PIAS3: variants seen among roughly 807,000 people sequenced by gnomAD.
PIAS3 encodes protein inhibitor of activated STAT 3, also known as E3 SUMO-protein ligase PIAS3.
A neutral mutation model predicts 67.6 loss-of-function variants in PIAS3; 34 were observed. The ratio of observed to expected loss-of-function variants is 0.50; its 90% confidence interval spans 0.38 to 0.67. PIAS3 has a LOEUF of 0.67. PIAS3 is among the 30% of genes least tolerant of loss of function. The pLI is 0.00. For synonymous variants in PIAS3, 341 were observed against 313.8 expected (o/e 1.09, Z -0.92); for missense variants, 693 against 791.6 (o/e 0.88, Z 1.49).
chr1:145,850,804 G>A lies in PIAS3; in HGVS notation c.1415C>T (p.Ser472Leu), dbSNP rs587708323. The A allele has an allele frequency of 5.0e-6, 8 of 1,614,228 alleles. No individual in the cohort carries two copies. The African/African-American group carries it at 8.0e-5, about 16-fold the overall frequency. The change falls in exon 11 of 14, where the codon TCA becomes TTA. Residue 472 changes from serine (S) to leucine (L), a missense_variant. By Grantham distance (145) the Ser-to-Leu change is moderately radical (BLOSUM62 -2). This residue lies in a region of PIAS3 where 270 missense variants were observed against 261.0 expected (regional missense o/e 1.03). Transcript: ENST00000393045. ...PPTKKHCSVTSAAIPALPGSK... is the reference protein window; with the variant it reads ...PPTKKHCSVTLAAIPALPGSK... ...TCCAGGTAGGGCCGGGATGGCAGCT[G>A]AGGTGACAGAACAGTGCTTCTTGGT...
chr1:145,855,763 C>A lies in PIAS3; in HGVS notation c.642G>T (p.Lys214Asn), dbSNP rs782752190. 3 of 1,608,468 alleles carry A rather than the reference C, an allele frequency of 1.9e-6. No homozygotes were observed. ...GCAGGGGGCACAGTTTCCCATTGACCTTGACAAAGAGGTTGGGGGGAAAAT... is the reference window on the plus strand; with the variant it reads ...GCAGGGGGCACAGTTTCCCATTGACATTGACAAAGAGGTTGGGGGGAAAAT... The part of the protein sequence containing the change: ...EDYFPPNLFV[K>N]VNGKLCPLPG... Residue 214 changes from lysine (K) to asparagine (N), a missense_variant, in exon 5 of 14, where the codon AAG becomes AAT. By Grantham distance (94) the Lys-to-Asn change is moderately conservative. Around this residue, in one of 3 missense-constraint regions of PIAS3, gnomAD observed 308 missense variants for 348.8 expected, o/e 0.88. Transcript: ENST00000393045.
chr1:145,857,386 T>C (rs1441551510), intron 1 of PIAS3: 5 of 229,834 alleles, frequency 2.2e-5, no homozygotes, highest in Non-Finnish European at 4.4e-5. Context: ...TCTCTTGCCC[T>C]TTCTCAGACT....
rs1653179735 is a variant in PIAS3, at chr1:145,856,283, C to T, written c.527+64G>A. The T allele has an allele frequency of 1.6e-5, 22 of 1,391,376 alleles. No homozygotes were observed. The South Asian group carries it at 2.1e-4, about 13-fold the overall frequency. 86.2% of individuals were successfully genotyped at this position (1,391,376 alleles called of 1,614,324 possible). On this transcript the variant is annotated intron_variant, in intron 3 of 13. Coordinates refer to ENST00000393045, the MANE Select transcript of PIAS3 (RefSeq NM_006099.3). ...AGGAGGGATAGGGAAGAGCACAGGG[C>T]AGAAGAGAAGAAAGTCAGAAAGCAG...
chr1:145,850,977 C>T (rs781792564), intron 10 of PIAS3, 38 bp from the exon 11 acceptor site: 9 of 1,613,986 alleles, frequency 5.6e-6, no homozygotes, highest in Non-Finnish European at 7.6e-6. Context: ...AGAGAAGAGG[C>T]CATCCAAGAT....
In PIAS3 at chr1:145,849,278, T is replaced by C. The variant is rs1652856940; in HGVS notation, c.*168A>G. ...TAAAAAGAGGTTAAATATTAACCCTTTGGGTGCTGGCCTTGTCAGGCAGAG... is the reference window on the plus strand; with the variant it reads ...TAAAAAGAGGTTAAATATTAACCCTCTGGGTGCTGGCCTTGTCAGGCAGAG... On this transcript the variant is annotated 3_prime_UTR_variant, in exon 14 of 14. Transcript: ENST00000393045. 2 of 535,444 alleles carry C rather than the reference T, an allele frequency of 3.7e-6. No individual in the cohort carries two copies. Among genetic ancestry groups the C allele is most frequent in the South Asian group, 1.1e-4 (2 of 19,004 alleles). 33.2% of individuals were successfully genotyped at this position (535,444 alleles called of 1,614,324 possible).
intron 6 of PIAS3, 85 bp from the exon 7 acceptor site, chr1:145,854,648 AC>A: frequency 6.3e-7 from 1 of 1,586,294 alleles, no homozygotes; most frequent in Non-Finnish European, 8.7e-7. Flanking sequence ...CCAGAGACAG[AC>A]TCATAAAGAG....
chr1:145,854,956 G>T, intron 5 of PIAS3, 76 bp from the exon 6 acceptor site: 1 of 1,550,770 alleles, frequency 6.4e-7, no homozygotes, highest in Non-Finnish European at 8.8e-7. Context: ...AAGATATCTT[G>T]TCTCGGGTTA....
chr1:145,854,422 A>C, intron 7 of PIAS3, 36 bp downstream of exon 7: 1 of 1,406,352 alleles, frequency 7.1e-7, no homozygotes, highest in East Asian at 2.3e-5. Context: ...ACTTGAATCC[A>C]GATCAGGTGG....
At position 145,856,675 on chromosome 1, in the gene PIAS3, A is replaced by C; in HGVS notation, c.356T>G (p.Leu119Arg). ...GACATCAGGGTGCACAGGCTGGGGC[A>C]GAGGGGGGTGCATGTCCACCTCACG... ...PKREVDMHPPLPQPVHPDVTM... is the reference protein window; with the variant it reads ...PKREVDMHPPRPQPVHPDVTM... Residue 119 changes from leucine (L) to arginine (R), a missense_variant, in exon 2 of 14, where the codon CTG becomes CGG. Physicochemically the swap from Leu to Arg is moderately radical, Grantham distance 102. This residue lies in a region of PIAS3 where 308 missense variants were observed against 348.8 expected (regional missense o/e 0.88). Coordinates refer to ENST00000393045, the MANE Select transcript of PIAS3 (RefSeq NM_006099.3). 6.2e-7 allele frequency: 1 copy of C among 1,607,600 alleles called. No individual in the cohort carries two copies. Among genetic ancestry groups the C allele is most frequent in the Non-Finnish European group, 8.5e-7 (1 of 1,175,816 alleles).
At chr1:145,851,473 T>C (rs1652961541) in intron 9 of PIAS3, 1 of 272,386 alleles carries the variant, frequency 3.7e-6, no homozygotes, top group Non-Finnish European at 7.1e-6. Flanking sequence ...CTGGCCAACA[T>C]GGTGAAACCT....
At chr1:145,858,862 G>C (rs1232261047) in intron 1 of PIAS3, 105 bp downstream of exon 1, 1 of 996,154 alleles carries the variant, frequency 1.0e-6, no homozygotes, top group Non-Finnish European at 1.4e-6. Context: ...TGCCTGCCAC[G>C]TCGTCGGCGC....
intron 9 of PIAS3, among the ~76,000 whole-genome samples, chr1:145,851,896 G>A (rs1358276064): frequency 1.3e-5 from 2 of 150,520 alleles, no homozygotes; most frequent in African/African-American, 4.9e-5. Context: ...GAGGTTGCAT[G>A]AGCTGAGATC....
In PIAS3 at chr1:145,854,809, C is replaced by G; in HGVS notation, c.741G>C (p.Leu247=). 6.2e-7 allele frequency: 1 copy of G among 1,614,156 alleles called. No individual in the cohort carries two copies. The highest frequency in any genetic ancestry group is 8.5e-7 in the Non-Finnish European group (1 of 1,180,026). The change falls in exon 6 of 14, where the codon CTG becomes CTC. Residue 247 remains leucine (L), a synonymous_variant. Transcript: ENST00000393045. ...RPSRPINITP[L]ARLSATVPNT... is the part of the protein sequence containing the mutation. ...TGGGAACAGTGGCTGAGAGTCGAGC[C>G]AGGGGTGTGATGTTGATGGGGCGGC... is the stretch of plus-strand genomic sequence containing the variant.
rs1653170317 is a variant in PIAS3, at chr1:145,856,171, A to G, written c.528-53T>C. 1.8e-5 allele frequency: 27 copies of G among 1,491,532 alleles called. No homozygotes were observed. In the South Asian group the frequency reaches 2.5e-4, roughly 14 times the overall value. The allele number at this position is 1,491,532 out of a possible 1,614,324, so 92.4% of individuals were successfully genotyped here. ...GTCAGCATGTAGCCCCCAGAGGGCAAGGGTGAATGCACAGAAAGGCTGAAA... is the reference window on the plus strand; with the variant it reads ...GTCAGCATGTAGCCCCCAGAGGGCAGGGGTGAATGCACAGAAAGGCTGAAA... On this transcript the variant is annotated intron_variant, in intron 3 of 13. Transcript: ENST00000393045.
intron 7 of PIAS3, 156 bp from the exon 8 acceptor site, chr1:145,854,042 G>A (rs1653064374): frequency 1.6e-6 from 1 of 626,180 alleles, no homozygotes; most frequent in East Asian, 2.7e-5. Context: ...TCTGGGATAT[G>A]GATGATGAAG....
intron 11 of PIAS3, 21 bp from the exon 12 acceptor site, chr1:145,850,607 A>C: frequency 6.2e-7 from 1 of 1,610,926 alleles, no homozygotes; most frequent in Non-Finnish European, 8.5e-7. Flanking sequence ...AGAGGAGCTG[A>C]GGCAGCCAGC....
chr1:145,849,660 T>G lies in PIAS3; in HGVS notation c.1673A>C (p.His558Pro). The change falls in exon 14 of 14, where the codon CAC becomes CCC. Residue 558 changes from histidine to proline, a missense_variant. By Grantham distance (77) the His-to-Pro change is moderately conservative. Around this residue, in one of 3 missense-constraint regions of PIAS3, gnomAD observed 270 missense variants for 261.0 expected, o/e 1.03. Coordinates refer to ENST00000393045, the MANE Select transcript of PIAS3 (RefSeq NM_006099.3). ...AGGGGTCCCTCGGTACTGGAAGAAG[T>G]GGCCAAGGGCATCCTGTTCATCTAG... ...TSLDEQDALG[H>P]FFQYRGTPSH... 1 of 1,612,344 alleles carries G rather than the reference T, an allele frequency of 6.2e-7. No homozygotes were observed. Among genetic ancestry groups the G allele is most frequent in the Non-Finnish European group, 8.5e-7 (1 of 1,179,248 alleles).
At position 145,849,369 on chromosome 1, in the gene PIAS3, A is replaced by C; in HGVS notation, c.*77T>G. 1 of 1,386,398 alleles carries C rather than the reference A, an allele frequency of 7.2e-7. No individual in the cohort carries two copies. The highest frequency in any genetic ancestry group is 1.7e-5 in the South Asian group (1 of 57,184). The allele number at this position is 1,386,398 out of a possible 1,614,324, so 85.9% of individuals were successfully genotyped here. A position where few individuals can be genotyped will look rare whatever the true frequency, so the allele number is the denominator to read the frequency against. The stretch of plus-strand genomic sequence containing the variant: ...CTTGGCCAGAGCCCCCAGAGGGATC[A>C]GAGTAGCTGGGGTTGGGACTCCACA... On this transcript the variant is annotated 3_prime_UTR_variant, in exon 14 of 14. Transcript: ENST00000393045.
At chr1:145,855,517 A>G (rs1267421385) in intron 5 of PIAS3, among the ~76,000 whole-genome samples, 2 of 152,042 alleles carry the variant, frequency 1.3e-5, no homozygotes, top group Non-Finnish European at 2.9e-5. Context: ...TCTTTCTTAC[A>G]TCTCGGGTTG....
Sources: allele counts gnomAD v4.1 joint callset (sites outside exome capture counted in the v4.1 genomes callset), GRCh38; gene constraint gnomAD v4.1.1; regional missense constraint gnomAD v4.1.1; transcripts MANE v1.5; gene names NCBI Gene and HGNC (gene_info 2026-07-23, HGNC 2026-07-21).